The following LRRTM4 variants were observed in gnomAD, a reference collection of about 807,000 sequenced individuals.
The protein encoded by LRRTM4 is leucine-rich repeat transmembrane neuronal protein 4.
Under a neutral mutation model 47.6 loss-of-function variants are expected in LRRTM4, and 25 were observed. That is an observed-to-expected ratio of 0.53 (90% CI 0.38 to 0.73). LRRTM4 has a LOEUF of 0.73. Ranked by LOEUF, LRRTM4 falls within the 30% of genes least tolerant of loss-of-function variation. The pLI is 0.00. For synonymous variants in LRRTM4, 311 were observed against 269.5 expected (o/e 1.15, Z -1.51); for missense variants, 638 against 713.4 (o/e 0.89, Z 1.20).
At chr2:77,046,931 G>C (rs573138901) in intron 3 of LRRTM4, among the ~76,000 whole-genome samples, 5 of 152,016 alleles carry the variant, frequency 3.3e-5, no homozygotes, top group Non-Finnish European at 7.4e-5. Context: ...ACTTAGAAAT[G>C]CAACTGTTTT....
intron 3 of LRRTM4, among the ~76,000 whole-genome samples, chr2:77,320,791 G>A (rs290022): frequency 0.048 from 7,333 of 151,606 alleles, 278 homozygotes; most frequent in African/African-American, 0.1. Context: ...TACCAAACTG[G>A]CATGAATTAA....
Position 76,748,769 on chromosome 2 carries a change from G to A in LRRTM4, c.1699C>T (p.Arg567Ter), listed in dbSNP as rs1421250034. 10 of 1,613,914 alleles carry A rather than the reference G, an allele frequency of 6.2e-6. No homozygotes were observed. The highest frequency in any genetic ancestry group is 2.2e-5 in the East Asian group (1 of 44,864). Residue 567 changes from arginine to a stop codon, truncating the protein, a stop_gained, in exon 4 of 4, where the codon CGA becomes TGA. Coordinates refer to ENST00000409884, the MANE Select transcript of LRRTM4 (RefSeq NM_001134745.3). LOFTEE classifies it high-confidence loss of function. ...QDESPGLELG[R>*]DHSFIATIAR... Reference sequence around the variant, plus strand: ...ATGGTGGCGATGAAGCTGTGGTCTCGGCCCAGCTCCAGGCCGGGGCTTTCG... The same window carrying A: ...ATGGTGGCGATGAAGCTGTGGTCTCAGCCCAGCTCCAGGCCGGGGCTTTCG...
At chr2:76,872,897 C>A (rs1672667122) in intron 3 of LRRTM4, among the ~76,000 whole-genome samples, 1 of 152,062 alleles carries the variant, frequency 6.6e-6, no homozygotes, top group Non-Finnish European at 1.5e-5. Flanking sequence ...CCCACTCACC[C>A]TTGCTCCCTC....
intron 3 of LRRTM4, among the ~76,000 whole-genome samples, chr2:76,997,257 T>C (rs1032715321): frequency 3.3e-5 from 5 of 152,140 alleles, no homozygotes; most frequent in Admixed American, 1.3e-4. Context: ...CAGTCCTGAT[T>C]TTTTTCTTGA....
intron 3 of LRRTM4, among the ~76,000 whole-genome samples, chr2:76,889,796 G>A (rs1372378801): frequency 6.6e-6 from 1 of 151,780 alleles, no homozygotes; most frequent in African/African-American, 2.4e-5. Flanking sequence ...GAGAGGAAAA[G>A]AGGCAAATAA....
intron 3 of LRRTM4, among the ~76,000 whole-genome samples, chr2:77,099,857 A>G (rs185446927): frequency 3.3e-5 from 5 of 152,220 alleles, no homozygotes; most frequent in African/African-American, 1.2e-4. Context: ...ATAATTTTAA[A>G]AATAAAATAA....
At chr2:77,080,682 T>G (rs1572936337) in intron 3 of LRRTM4, among the ~76,000 whole-genome samples, 1 of 152,170 alleles carries the variant, frequency 6.6e-6, no homozygotes, top group East Asian at 1.9e-4. Context: ...TTTAACACTT[T>G]AAAAAATTAT....
chr2:77,219,665 A>G (rs1166876619), intron 3 of LRRTM4, among the ~76,000 whole-genome samples: 1 of 152,166 alleles, frequency 6.6e-6, no homozygotes, highest in Non-Finnish European at 1.5e-5. Flanking sequence ...GCATGATGGA[A>G]AGAGATGTTT....
chr2:77,304,518 A>G (rs1050911399), intron 3 of LRRTM4, among the ~76,000 whole-genome samples: 1 of 152,162 alleles, frequency 6.6e-6, no homozygotes, highest in Non-Finnish European at 1.5e-5. Flanking sequence ...ATAAATGGAA[A>G]AAAAATAGTC....
At chr2:77,044,791 G>C (rs1459419324) in intron 3 of LRRTM4, among the ~76,000 whole-genome samples, 1 of 151,454 alleles carries the variant, frequency 6.6e-6, no homozygotes, top group African/African-American at 2.4e-5. Flanking sequence ...TATAGATACA[G>C]GTGTATAAAT....
chr2:77,494,244 G>A (rs982381677), intron 3 of LRRTM4, among the ~76,000 whole-genome samples: 76 of 152,026 alleles, frequency 5.0e-4, no homozygotes, highest in African/African-American at 1.8e-3. Flanking sequence ...AAATGTAAAA[G>A]AGCAAAAAGA....
intron 3 of LRRTM4, among the ~76,000 whole-genome samples, chr2:77,435,397 C>G (rs1304774737): frequency 6.6e-6 from 1 of 152,150 alleles, no homozygotes; most frequent in African/African-American, 2.4e-5. Flanking sequence ...TCAGCTATTC[C>G]TTAAAGAAAT....
chr2:77,286,008 C>T (rs1676648076), intron 3 of LRRTM4, among the ~76,000 whole-genome samples: 2 of 152,070 alleles, frequency 1.3e-5, no homozygotes, highest in East Asian at 1.9e-4. Context: ...TAATTATAGA[C>T]ATCAACCATA....
At chr2:76,805,907 C>T (rs1258090570) in intron 3 of LRRTM4, among the ~76,000 whole-genome samples, 1 of 152,108 alleles carries the variant, frequency 6.6e-6, no homozygotes, top group Non-Finnish European at 1.5e-5. Context: ...GGCACAAGCT[C>T]TAATAAATCT....
chr2:77,353,920 G>A (rs1184520594), intron 3 of LRRTM4, among the ~76,000 whole-genome samples: 1 of 152,166 alleles, frequency 6.6e-6, no homozygotes, highest in Non-Finnish European at 1.5e-5. Context: ...GCTTTATCAA[G>A]GCAGCAGTGT....
At chr2:77,368,567 C>T (rs1229672962) in intron 3 of LRRTM4, among the ~76,000 whole-genome samples, 4 of 151,580 alleles carry the variant, frequency 2.6e-5, no homozygotes, top group Admixed American at 6.6e-5. Context: ...TAAGATTAGT[C>T]GTAGAGCATG....
intron 3 of LRRTM4, among the ~76,000 whole-genome samples, chr2:76,863,099 C>G (rs966792554): frequency 6.6e-6 from 1 of 152,106 alleles, no homozygotes; most frequent in Non-Finnish European, 1.5e-5. Context: ...CCCAACTACC[C>G]ACAGCTTTCA....
chr2:77,070,230 A>AT (rs201707798), intron 3 of LRRTM4, among the ~76,000 whole-genome samples: 1 of 151,994 alleles, frequency 6.6e-6, no homozygotes, highest in Admixed American at 6.6e-5. Flanking sequence ...AGGCTCAGTC[A>AT]TTTTTTTAAA....
chr2:77,179,139 A>G (rs1462932611), intron 3 of LRRTM4, among the ~76,000 whole-genome samples: 1 of 152,204 alleles, frequency 6.6e-6, no homozygotes, highest in Non-Finnish European at 1.5e-5. Flanking sequence ...TAAGGCACAG[A>G]AGTGCTACAG....
Sources: gnomAD v4.1 joint callset for allele counts (sites outside exome capture counted in the v4.1 genomes callset) on GRCh38, gnomAD v4.1.1 for gene constraint, MANE v1.5 for transcripts, NCBI Gene and HGNC (gene_info 2026-07-23, HGNC 2026-07-21) for gene names.